The following TEX15 variants were observed in gnomAD, a reference collection of about 807,000 sequenced individuals.
The protein encoded by TEX15 is testis expressed 15, meiosis and synapsis associated.
TEX15 carries 171 observed loss-of-function variants against 237.3 expected under a neutral mutation model. The observed-to-expected ratio is 0.72, with a 90% CI of 0.64 to 0.82. TEX15 has a LOEUF of 0.82. Ranked by LOEUF, TEX15 falls within the 40% of genes least tolerant of loss-of-function variation. TEX15 has a pLI of 0.00. For synonymous variants in TEX15, 1,338 were observed against 1,269.8 expected (o/e 1.05, Z -1.14); for missense variants, 3,750 against 3,646.5 (o/e 1.03, Z -0.73).
At chr8:30,889,968 T>TACATATATATATATATAC (rs1808764439) in intron 2 of TEX15, among the ~76,000 whole-genome samples, 2 of 143,898 alleles carry the variant, frequency 1.4e-5, no homozygotes, top group African/African-American at 5.3e-5. Flanking sequence ...TATATATATA[T>TACATATATATATATATAC]GTATAAGTAA....
chr8:30,867,476 T>A lies in TEX15; in HGVS notation c.329A>T (p.His110Leu). ...KRSEMRESGR[H>L]CRELEEQFCF... ...GAACTGTTCTTCAAGTTCCCTGCAA[T>A]GTCTTCCACTTTCACGCATCTCTGA... The change falls in exon 5 of 11, where the codon CAT (histidine) becomes CTT (leucine). Residue 110 changes from histidine (H) to leucine (L), a missense_variant. Physicochemically the swap from His to Leu is moderately conservative, Grantham distance 99. Transcript: ENST00000643185. 1 of 1,534,182 alleles carries A rather than the reference T, an allele frequency of 6.5e-7. No individual in the cohort carries two copies. The highest frequency in any genetic ancestry group is 8.7e-7 in the Non-Finnish European group (1 of 1,145,554).
rs181349250 is a variant in TEX15, at chr8:30,869,273, G to A, written c.303-1771C>T. Among the ~76,000 whole-genome samples, 24 of 151,918 alleles carry A rather than the reference G, an allele frequency of 1.6e-4. 1 individual carries two copies. The East Asian group carries it at 4.1e-3, about 26-fold the overall frequency. On this transcript the variant is annotated intron_variant, in intron 4 of 10. Transcript: ENST00000643185. Reference sequence around the variant, plus strand: ...CCATTTCAGAAACAATAGGTAAAACGAGCCTAAAGACTCTTTTCTGTACAC... The same window carrying A: ...CCATTTCAGAAACAATAGGTAAAACAAGCCTAAAGACTCTTTTCTGTACAC...
intron 1 of TEX15, among the ~76,000 whole-genome samples, chr8:30,912,060 G>T (rs1809231464): frequency 6.6e-6 from 1 of 152,216 alleles, no homozygotes; most frequent in Non-Finnish European, 1.5e-5. Flanking sequence ...CATCCCGGGC[G>T]CGCCAGTCCT....
At chr8:30,850,630 T>A (rs1458210600) in intron 7 of TEX15, among the ~76,000 whole-genome samples, 11 of 151,968 alleles carry the variant, frequency 7.2e-5, no homozygotes, top group Admixed American at 7.2e-4. Flanking sequence ...GTGGGGAGTA[T>A]AATGGAGAAG....
At chr8:30,878,444 C>A (rs145360828) in intron 3 of TEX15, among the ~76,000 whole-genome samples, 50 of 151,988 alleles carry the variant, frequency 3.3e-4, no homozygotes, top group Admixed American at 1.0e-3. Flanking sequence ...AGTGCAATGG[C>A]GCGATCTCGG....
intron 8 of TEX15, among the ~76,000 whole-genome samples, chr8:30,841,022 A>T (rs1807441055): frequency 6.6e-6 from 1 of 152,138 alleles, no homozygotes; most frequent in Admixed American, 6.5e-5. Context: ...TGCTCAGGCA[A>T]TCCTCTTGCT....
At chr8:30,834,491 G>A (rs536397812) in intron 10 of TEX15, among the ~76,000 whole-genome samples, 9 of 152,044 alleles carry the variant, frequency 5.9e-5, no homozygotes, top group Admixed American at 1.3e-4. Context: ...CTCTTTTATC[G>A]TTTTCCTTAT....
At chr8:30,841,158 A>AG (rs1391666736) in intron 8 of TEX15, among the ~76,000 whole-genome samples, 1 of 152,136 alleles carries the variant, frequency 6.6e-6, no homozygotes, top group Non-Finnish European at 1.5e-5. Flanking sequence ...GGACTCAAGC[A>AG]GTCTGCCCAC....
chr8:30,902,826 C>T (rs891314509), intron 1 of TEX15, among the ~76,000 whole-genome samples: 3 of 152,162 alleles, frequency 2.0e-5, no homozygotes, highest in East Asian at 1.9e-4. Context: ...TGAAGAGAAA[C>T]GACAGTTTGA....
chr8:30,895,676 CTTT>C (rs34002027), intron 2 of TEX15, among the ~76,000 whole-genome samples: 1,013 of 59,970 alleles, frequency 0.017, 8 homozygotes, highest in African/African-American at 0.075. Context: ...TAAACACATG[CTTT>C]TTTTTTTTTT....
chr8:30,902,073 T>C, intron 1 of TEX15, among the ~76,000 whole-genome samples: 1 of 152,296 alleles, frequency 6.6e-6, no homozygotes, highest in Middle Eastern at 3.4e-3. Context: ...ATCCCAGACC[T>C]ACTGAATCTA....
chr8:30,902,747 G>A (rs1809031560), intron 1 of TEX15, among the ~76,000 whole-genome samples: 1 of 152,100 alleles, frequency 6.6e-6, no homozygotes, highest in Non-Finnish European at 1.5e-5. Context: ...CACCTCCAGA[G>A]TTTCTAATTC....
intron 5 of TEX15, among the ~76,000 whole-genome samples, chr8:30,865,401 T>C (rs1307065648): frequency 1.3e-5 from 2 of 152,132 alleles, no homozygotes; most frequent in Admixed American, 1.3e-4. Flanking sequence ...ATAATACCAA[T>C]TCTAATCAAA....
chr8:30,909,394 A>ACCCCCCCCCCCCC (rs35046956), intron 1 of TEX15, among the ~76,000 whole-genome samples: 19 of 118,394 alleles, frequency 1.6e-4, no homozygotes, highest in African/African-American at 4.3e-4. Flanking sequence ...TTAAAGACAG[A>ACCCCCCCCCCCCC]CCCCCCCCCG....
In TEX15 at chr8:30,843,294, GTATT is replaced by G. The variant is rs1224137237; in HGVS notation, c.6869_6872del (p.Lys2290ThrfsTer13). On this transcript the variant is annotated frameshift_variant, in exon 8 of 11. Coordinates refer to ENST00000643185, the MANE Select transcript of TEX15 (RefSeq NM_001350162.2). LOFTEE classifies it high-confidence loss of function. The stretch of plus-strand genomic sequence containing the variant: ...GCCTTTCTTCGTCCTTCTTTTGTGA[GTATT>G]TTTTGCTGAAGGATTGTGTTCTCTC... 4 of 1,611,140 alleles carry G rather than the reference GTATT, an allele frequency of 2.5e-6. No individual in the cohort carries two copies. The South Asian group carries it at 4.4e-5, about 18-fold the overall frequency.
chr8:30,858,523 G>A (rs1349400938), intron 7 of TEX15, 145 bp downstream of exon 7: 2 of 606,820 alleles, frequency 3.3e-6, no homozygotes, highest in East Asian at 6.5e-5. Context: ...TGTTGGCCAG[G>A]TTGGCCTCAA....
chr8:30,852,398 A>T (rs1443541025), intron 7 of TEX15, among the ~76,000 whole-genome samples: 2 of 152,110 alleles, frequency 1.3e-5, no homozygotes, highest in African/African-American at 4.8e-5. Flanking sequence ...TGGCCACATT[A>T]ATTTAATCTT....
chr8:30,893,915 C>CT (rs1808843841), intron 2 of TEX15, among the ~76,000 whole-genome samples: 1 of 107,768 alleles, frequency 9.3e-6, no homozygotes, highest in South Asian at 2.6e-4. Flanking sequence ...TATAGAACTT[C>CT]TTTTACCTAT....
intron 2 of TEX15, among the ~76,000 whole-genome samples, chr8:30,898,186 A>G (rs1418071108): frequency 6.6e-6 from 1 of 152,188 alleles, no homozygotes; most frequent in East Asian, 1.9e-4. Flanking sequence ...ACTTCCTTAT[A>G]AAATAAATAC....
Sources: allele counts gnomAD v4.1 joint callset (sites outside exome capture counted in the v4.1 genomes callset), GRCh38; gene constraint gnomAD v4.1.1; transcripts MANE v1.5; gene names NCBI Gene and HGNC (gene_info 2026-07-23, HGNC 2026-07-21).